Variants in DSCAM observed in about 807,000 individuals in gnomAD.
The protein encoded by DSCAM is cell adhesion molecule DSCAM.
In DSCAM, 47 loss-of-function variants were observed where a neutral mutation model predicts 217.7. The observed-to-expected ratio is 0.22, with a 90% CI of 0.17 to 0.28. DSCAM has a LOEUF of 0.28. Ranked by LOEUF, DSCAM falls within the 10% of genes least tolerant of loss-of-function variation. The pLI is 1.00. For missense variants in DSCAM, 2,080 were observed against 2,618.3 expected (o/e 0.79, Z 4.49); for synonymous variants, 1,056 against 1,015.3 (o/e 1.04, Z -0.76).
intron 20 of DSCAM, among the ~76,000 whole-genome samples, chr21:40,122,391 G>A (rs1482863817): frequency 6.6e-6 from 1 of 152,188 alleles, no homozygotes; most frequent in Non-Finnish European, 1.5e-5. Flanking sequence ...AGAGTCAAAA[G>A]AGCAACCGTG....
chr21:40,306,648 A>G (rs1057212633), intron 9 of DSCAM, among the ~76,000 whole-genome samples: 2 of 151,744 alleles, frequency 1.3e-5, no homozygotes, highest in African/African-American at 4.9e-5. Context: ...AGTTTTTAGC[A>G]TGAAGGGTTG....
At chr21:40,291,280 C>T (rs921733749) in intron 10 of DSCAM, among the ~76,000 whole-genome samples, 2 of 152,254 alleles carry the variant, frequency 1.3e-5, no homozygotes, top group Admixed American at 1.3e-4. Context: ...ACACAGTCTG[C>T]TTTCAAAACA....
At chr21:40,402,792 T>A (rs1044680342) in intron 3 of DSCAM, among the ~76,000 whole-genome samples, 1 of 152,144 alleles carries the variant, frequency 6.6e-6, no homozygotes, top group African/African-American at 2.4e-5. Context: ...GTTCTCATTA[T>A]ACTAACCATT....
At chr21:40,128,070 G>A (rs531661182) in intron 19 of DSCAM, among the ~76,000 whole-genome samples, 16 of 151,410 alleles carry the variant, frequency 1.1e-4, no homozygotes, top group African/African-American at 3.4e-4. Context: ...TCAGGTCAGG[G>A]CTCCCATGTC....
intron 12 of DSCAM, among the ~76,000 whole-genome samples, chr21:40,188,785 C>CTTTTTTT (rs35605811): frequency 7.1e-6 from 1 of 141,498 alleles, no homozygotes; most frequent in African/African-American, 2.6e-5. Context: ...TTATTTCTCA[C>CTTTTTTT]TTTTTTTTTT....
chr21:40,186,030 G>A (rs990620433), intron 14 of DSCAM, among the ~76,000 whole-genome samples: 1 of 152,178 alleles, frequency 6.6e-6, no homozygotes, highest in Non-Finnish European at 1.5e-5. Context: ...TTCCTCATGT[G>A]CATTTCCAAC....
intron 1 of DSCAM, among the ~76,000 whole-genome samples, chr21:40,750,300 T>C (rs1269372017): frequency 3.9e-5 from 6 of 152,166 alleles, no homozygotes; most frequent in African/African-American, 1.4e-4. Context: ...TCCACTCCAC[T>C]GAACATGCTC....
At chr21:40,663,249 T>C (rs1423239966) in intron 3 of DSCAM, among the ~76,000 whole-genome samples, 1 of 96,556 alleles carries the variant, frequency 1.0e-5, no homozygotes, top group South Asian at 5.2e-4. Context: ...CATGTGAGTG[T>C]ATGTCAAAGT....
At chr21:40,355,368 G>C (rs183491852) in intron 4 of DSCAM, among the ~76,000 whole-genome samples, 1 of 152,296 alleles carries the variant, frequency 6.6e-6, no homozygotes, top group East Asian at 1.9e-4. Context: ...ACAGGGCCTT[G>C]TATAATTTTC....
In DSCAM at chr21:40,516,418, C is replaced by G. The variant is rs560313989; in HGVS notation, c.509-147173G>C. On this transcript the variant is annotated intron_variant, in intron 3 of 32. Transcript: ENST00000400454. ...TCCCTGGCTCCCCTCCCCCAAAACACTGGCAGTTCCTGTTTCTTCCTCTTT... is the reference window on the plus strand; with the variant it reads ...TCCCTGGCTCCCCTCCCCCAAAACAGTGGCAGTTCCTGTTTCTTCCTCTTT... 3.6e-3 allele frequency among the ~76,000 whole-genome samples: 547 copies of G among 152,282 alleles called. 3 individuals are homozygous for G. The highest frequency in any genetic ancestry group is 5.4e-3 in the Non-Finnish European group (369 of 68,034).
At chr21:40,141,481 T>C (rs1457318375) in intron 18 of DSCAM, among the ~76,000 whole-genome samples, 1 of 152,026 alleles carries the variant, frequency 6.6e-6, no homozygotes, top group African/African-American at 2.4e-5. Context: ...CCAGGTGTGG[T>C]GGTGCACGCC....
chr21:40,833,663 TAATC>T (rs969537794), intron 1 of DSCAM, among the ~76,000 whole-genome samples: 2 of 152,194 alleles, frequency 1.3e-5, no homozygotes, highest in African/African-American at 4.8e-5. Context: ...CAAATAAAGT[TAATC>T]AATGACAAGC....
intron 28 of DSCAM, among the ~76,000 whole-genome samples, chr21:40,060,310 T>C (rs1057268188): frequency 6.6e-6 from 1 of 152,136 alleles, no homozygotes; most frequent in African/African-American, 2.4e-5. Context: ...TCTCAGAGGC[T>C]AGGGAGAAGG....
At chr21:40,678,858 G>A (rs566037629) in intron 3 of DSCAM, among the ~76,000 whole-genome samples, 4 of 152,300 alleles carry the variant, frequency 2.6e-5, no homozygotes, top group Non-Finnish European at 4.4e-5. Context: ...ATGCTGTAAC[G>A]CGCCTCTGAA....
intron 3 of DSCAM, among the ~76,000 whole-genome samples, chr21:40,457,291 T>A (rs971843851): frequency 1.3e-5 from 2 of 152,112 alleles, no homozygotes; most frequent in Non-Finnish European, 2.9e-5. Context: ...GCGGGAGGAT[T>A]GCTTGAGCCT....
At chr21:40,469,437 C>G (rs2075870560) in intron 3 of DSCAM, among the ~76,000 whole-genome samples, 1 of 152,102 alleles carries the variant, frequency 6.6e-6, no homozygotes, top group Non-Finnish European at 1.5e-5. Context: ...AGAGGGGCTC[C>G]TGGAGCTGTC....
At chr21:40,249,984 T>TTCC (rs1159314436) in intron 11 of DSCAM, among the ~76,000 whole-genome samples, 1 of 152,208 alleles carries the variant, frequency 6.6e-6, no homozygotes, top group Non-Finnish European at 1.5e-5. Flanking sequence ...GGTGGAGCCA[T>TTCC]TTCAAAGGAA....
At chr21:40,545,479 T>G (rs73364974) in intron 3 of DSCAM, among the ~76,000 whole-genome samples, 25,452 of 152,114 alleles carry the variant, frequency 0.17, 5,078 homozygotes, top group African/African-American at 0.48. Context: ...AGTCCCACTT[T>G]TTCTTTCAGT....
intron 11 of DSCAM, among the ~76,000 whole-genome samples, chr21:40,235,442 T>G (rs1353270570): frequency 1.3e-5 from 2 of 152,212 alleles, no homozygotes; most frequent in African/African-American, 4.8e-5. Flanking sequence ...GGCCGATAAT[T>G]AAGACTAAGA....
Sources: allele counts gnomAD v4.1 joint callset (sites outside exome capture counted in the v4.1 genomes callset), GRCh38; gene constraint gnomAD v4.1.1; transcripts MANE v1.5; gene names NCBI Gene and HGNC (gene_info 2026-07-23, HGNC 2026-07-21).